Variants in FHIT observed in about 807,000 individuals in gnomAD.
FHIT encodes bis(5'-adenosyl)-triphosphatase.
A neutral mutation model predicts 17.9 loss-of-function variants in FHIT; 19 were observed. The ratio of observed to expected loss-of-function variants is 1.06; its 90% CI spans 0.74 to 1.56. FHIT has a LOEUF of 1.56. FHIT is among the 40% of genes most tolerant of loss of function. The pLI, the probability that FHIT is intolerant of heterozygous loss-of-function variation, is 0.00. For synonymous variants in FHIT, 81 were observed against 69.7 expected (o/e 1.16, Z -0.81); for missense variants, 248 against 189.2 (o/e 1.31, Z -1.82).
chr3:60,416,724 C>T (rs986523114), intron 5 of FHIT, among the ~76,000 whole-genome samples: 1 of 152,232 alleles, frequency 6.6e-6, no homozygotes, highest in East Asian at 1.9e-4. Context: ...TTATTAACTG[C>T]TACCTTAGAG....
At chr3:60,987,762 A>T (rs2029865911) in intron 3 of FHIT, among the ~76,000 whole-genome samples, 1 of 152,192 alleles carries the variant, frequency 6.6e-6, no homozygotes, top group Non-Finnish European at 1.5e-5. Context: ...GCTTAGAAAC[A>T]ATCAGACAAG....
At chr3:59,912,700 T>G (rs1438397490) in intron 8 of FHIT, among the ~76,000 whole-genome samples, 1 of 152,190 alleles carries the variant, frequency 6.6e-6, no homozygotes, top group Non-Finnish European at 1.5e-5. Flanking sequence ...GGAAAATATA[T>G]GTTGGAGCAA....
intron 7 of FHIT, among the ~76,000 whole-genome samples, chr3:60,004,621 G>A (rs1052007909): frequency 6.6e-6 from 1 of 152,144 alleles, no homozygotes; most frequent in Non-Finnish European, 1.5e-5. Flanking sequence ...TTCTTCTACT[G>A]TGATTACAGG....
chr3:60,332,642 T>C (rs1710041366), intron 5 of FHIT, among the ~76,000 whole-genome samples: 2 of 152,198 alleles, frequency 1.3e-5, no homozygotes. Flanking sequence ...CTTAATGCTA[T>C]TATTCTGTCC....
chr3:59,816,778 C>G (rs1048723127), intron 8 of FHIT, among the ~76,000 whole-genome samples: 3 of 152,218 alleles, frequency 2.0e-5, no homozygotes, highest in Non-Finnish European at 4.4e-5. Flanking sequence ...ACCATACTCC[C>G]TGTTTTTCTC....
chr3:60,129,921 ACT>A (rs1189349142), intron 5 of FHIT, among the ~76,000 whole-genome samples: 2 of 151,902 alleles, frequency 1.3e-5, no homozygotes, highest in African/African-American at 2.4e-5. Context: ...CCCTTTCCAC[ACT>A]GTGTCTGTTT....
intron 5 of FHIT, among the ~76,000 whole-genome samples, chr3:60,225,922 G>C (rs575298463): frequency 1.7e-4 from 26 of 152,244 alleles, no homozygotes; most frequent in African/African-American, 5.8e-4. Flanking sequence ...ATACCAAAGG[G>C]AAAACAGTCA....
intron 3 of FHIT, among the ~76,000 whole-genome samples, chr3:60,913,528 T>C (rs9827069): frequency 0.28 from 41,886 of 152,160 alleles, 5,903 homozygotes; most frequent in Middle Eastern, 0.37. Context: ...AGCACTGCTG[T>C]GGACCACAAA....
Position 60,932,860 on chromosome 3 carries a change from C to G in FHIT, c.-111+109187G>C, listed in dbSNP as rs1708030235. Among the ~76,000 whole-genome samples, 3 of 152,302 alleles carry G rather than the reference C, an allele frequency of 2.0e-5. No individual in the cohort carries two copies. The South Asian group carries it at 6.2e-4, about 32-fold the overall frequency. The stretch of plus-strand genomic sequence containing the variant: ...TCCTCCTCTCTAGCTTCCCTTTCAT[C>G]TACCCACAACCAACCACTCACCCTT... On this transcript the variant is annotated intron_variant, in intron 3 of 9. Transcript: ENST00000492590.
At chr3:59,943,246 C>A (rs989804651) in intron 7 of FHIT, among the ~76,000 whole-genome samples, 1 of 151,928 alleles carries the variant, frequency 6.6e-6, no homozygotes, top group African/African-American at 2.4e-5. Flanking sequence ...AAGGAGAAGG[C>A]CAGTGAGCGC....
chr3:60,082,703 G>C (rs948431639), intron 5 of FHIT, among the ~76,000 whole-genome samples: 1 of 152,048 alleles, frequency 6.6e-6, no homozygotes, highest in Non-Finnish European at 1.5e-5. Context: ...CCGTGGTTTG[G>C]ATTTGTATTT....
intron 5 of FHIT, among the ~76,000 whole-genome samples, chr3:60,434,378 CTCTG>C (rs1368190405): frequency 6.6e-6 from 1 of 152,062 alleles, no homozygotes; most frequent in Non-Finnish European, 1.5e-5. Context: ...AAAAGTACAA[CTCTG>C]TCTTTCTCTT....
intron 5 of FHIT, among the ~76,000 whole-genome samples, chr3:60,338,645 T>C (rs1710362441): frequency 6.6e-6 from 1 of 152,182 alleles, no homozygotes; most frequent in African/African-American, 2.4e-5. Context: ...ACTAGACCAC[T>C]TAGATGTTGC....
intron 8 of FHIT, among the ~76,000 whole-genome samples, chr3:59,802,595 C>A (rs1035589988): frequency 6.6e-6 from 1 of 152,156 alleles, no homozygotes; most frequent in African/African-American, 2.4e-5. Context: ...CATTACCCAC[C>A]CAAATCCTGT....
At chr3:60,112,217 A>T (rs1704705183) in intron 5 of FHIT, among the ~76,000 whole-genome samples, 1 of 152,140 alleles carries the variant, frequency 6.6e-6, no homozygotes, top group Non-Finnish European at 1.5e-5. Flanking sequence ...GGCTGAAAGT[A>T]CAACTCTAGG....
At chr3:59,762,761 G>A (rs993870684) in intron 8 of FHIT, among the ~76,000 whole-genome samples, 2 of 152,242 alleles carry the variant, frequency 1.3e-5, no homozygotes, top group Non-Finnish European at 2.9e-5. Context: ...TCTCAGGGCA[G>A]TTTTCAGGAA....
rs546023085 is a variant in FHIT, at chr3:59,781,275, T to C, written c.349-28954A>G. ...GCAAATAAGAGCATTGCTAAGTGCA[T>C]GATTAATAAGCCAGAAAGGCTATGG... On this transcript the variant is annotated intron_variant, in intron 8 of 9. Transcript: ENST00000492590. Among the ~76,000 whole-genome samples, 42 of 152,254 alleles carry C rather than the reference T, an allele frequency of 2.8e-4. 1 individual carries two copies. The South Asian group carries it at 8.5e-3, about 31-fold the overall frequency.
At chr3:60,705,171 T>A in intron 4 of FHIT, among the ~76,000 whole-genome samples, 1 of 152,144 alleles carries the variant, frequency 6.6e-6, no homozygotes, top group Non-Finnish European at 1.5e-5. Flanking sequence ...TTACACTGCA[T>A]TACAATTTTC....
At chr3:60,376,161 A>G (rs2107085696) in intron 5 of FHIT, among the ~76,000 whole-genome samples, 1 of 152,226 alleles carries the variant, frequency 6.6e-6, no homozygotes, top group South Asian at 2.1e-4. Flanking sequence ...TTCCCACTAA[A>G]TTATTGAGAT....
Sources: allele counts gnomAD v4.1 joint callset (sites outside exome capture counted in the v4.1 genomes callset), GRCh38; gene constraint gnomAD v4.1.1; transcripts MANE v1.5; gene names NCBI Gene and HGNC (gene_info 2026-07-23, HGNC 2026-07-21).